Variants in HEATR5A observed in about 807,000 individuals in gnomAD.
HEATR5A encodes the protein HEAT repeat-containing protein 5A.
HEATR5A carries 178 observed loss-of-function variants against 218.8 expected under a neutral mutation model. The ratio of observed to expected loss-of-function variants is 0.81; its 90% confidence interval spans 0.72 to 0.92. The LOEUF is 0.92. Ranked by LOEUF, HEATR5A falls within the 40% of genes least tolerant of loss-of-function variation. The probability of loss-of-function intolerance (pLI) is 0.00; values close to 1 mark genes in which losing one functional copy is unlikely to be tolerated. For missense variants in HEATR5A, 2,420 were observed against 2,418.9 expected, an observed-to-expected ratio of 1.00 and a Z score of -0.01; for synonymous variants, 864 against 871.6, an observed-to-expected ratio of 0.99 and a Z score of 0.15.
intron 1 of HEATR5A, among the ~76,000 whole-genome samples, chr14:31,412,261 T>C (rs1048604087): frequency 1.3e-5 from 2 of 152,056 alleles, no homozygotes; most frequent in Non-Finnish European, 2.9e-5. Flanking sequence ...GTATTTTGGA[T>C]CAAATTATCT....
At chr14:31,374,611 G>C (rs748868836) in intron 12 of HEATR5A, among the ~76,000 whole-genome samples, 10 of 152,040 alleles carry the variant, frequency 6.6e-5, no homozygotes, top group Non-Finnish European at 1.0e-4. Flanking sequence ...TGTATCTTAA[G>C]AACTCTCAAA....
At chr14:31,399,811 A>C (rs1314971429) in intron 3 of HEATR5A, among the ~76,000 whole-genome samples, 1 of 152,190 alleles carries the variant, frequency 6.6e-6, no homozygotes, top group Non-Finnish European at 1.5e-5. Flanking sequence ...GCCTGGGTGG[A>C]CAGAGATTCT....
At chr14:31,400,846 T>G (rs1279168915) in intron 2 of HEATR5A, among the ~76,000 whole-genome samples, 2 of 636 alleles carry the variant, frequency 3.1e-3, no homozygotes, top group East Asian at 0.5. Context: ...TTATTATTGT[T>G]TTTTTTTTTT....
At chr14:31,397,149 G>T (rs2030685581) in intron 4 of HEATR5A, among the ~76,000 whole-genome samples, 1 of 152,112 alleles carries the variant, frequency 6.6e-6, no homozygotes, top group Non-Finnish European at 1.5e-5. Flanking sequence ...TAAAGTTCTT[G>T]AATCAGCTAC....
intron 7 of HEATR5A, among the ~76,000 whole-genome samples, chr14:31,387,891 T>C (rs1296914561): frequency 6.6e-6 from 1 of 152,184 alleles, no homozygotes; most frequent in Non-Finnish European, 1.5e-5. Flanking sequence ...CAAGACTTCA[T>C]TTCTGTTACC....
intron 12 of HEATR5A, among the ~76,000 whole-genome samples, chr14:31,374,031 T>C (rs1902134784): frequency 6.6e-6 from 1 of 151,940 alleles, no homozygotes; most frequent in Non-Finnish European, 1.5e-5. Flanking sequence ...TGGGGCTGGG[T>C]GTGGTGACTC....
chr14:31,411,222 A>C (rs957135710), intron 1 of HEATR5A, among the ~76,000 whole-genome samples: 1 of 152,186 alleles, frequency 6.6e-6, no homozygotes. Flanking sequence ...TTGAAAATTC[A>C]TAAGAAAAAG....
intron 22 of HEATR5A, among the ~76,000 whole-genome samples, chr14:31,336,153 A>T (rs1472561915): frequency 6.9e-6 from 1 of 144,672 alleles, no homozygotes. Flanking sequence ...TAATTTTAAA[A>T]TTTTTTGTAG....
At position 31,337,609 on chromosome 14, in the gene HEATR5A, A is replaced by C; in HGVS notation, c.3234T>G (p.Asn1078Lys). 6.2e-7 allele frequency: 1 copy of C among 1,600,328 alleles called. No individual in the cohort carries two copies. Among genetic ancestry groups the C allele is most frequent in the Non-Finnish European group, 8.5e-7 (1 of 1,173,092 alleles). The change falls in exon 22 of 36, where the codon AAT becomes AAG. Residue 1078 changes from asparagine (N) to lysine (K), a missense_variant. Asn to Lys is a moderately conservative substitution (Grantham distance 94). Transcript: ENST00000543095. ...TCAGTAACAAGTAGGGGCTACAAAGATTCACCTGAAAAATACCATTTGAGG... is the reference window on the plus strand; with the variant it reads ...TCAGTAACAAGTAGGGGCTACAAAGCTTCACCTGAAAAATACCATTTGAGG... ...LSSLVSCLCV[N>K]LCSPYLLLRR...
rs1421112764 is a variant in HEATR5A, at chr14:31,337,586, A to G, written c.3257T>C (p.Leu1086Pro). The G allele has an allele frequency of 3.1e-6, 5 of 1,601,086 alleles. No homozygotes were observed. The highest frequency in any genetic ancestry group is 4.3e-6 in the Non-Finnish European group (5 of 1,173,674). ...CVNLCSPYLL[L>P]RRAVLACLRQ... ...TAAGCAAGCCAGTACTGCTCTTCTC[A>G]GTAACAAGTAGGGGCTACAAAGATT... is the stretch of plus-strand genomic sequence containing the variant. Residue 1086 changes from leucine (L) to proline (P), a missense_variant, in exon 22 of 36, where the codon CTG (leucine) becomes CCG (proline). Leu to Pro is a moderately conservative substitution (Grantham distance 98). Coordinates refer to ENST00000543095, the MANE Select transcript of HEATR5A (RefSeq NM_015473.4).
chr14:31,336,201 TATATATACATACATACA>T (rs1900647858), intron 22 of HEATR5A, among the ~76,000 whole-genome samples: 1 of 11,672 alleles, frequency 8.6e-5, no homozygotes, highest in Non-Finnish European at 3.4e-4. Context: ...GGGTTATTTT[TATATATACATACATACA>T]TATATATATA....
chr14:31,300,288 T>C (rs1166192209), intron 33 of HEATR5A, among the ~76,000 whole-genome samples: 1 of 151,658 alleles, frequency 6.6e-6, no homozygotes, highest in East Asian at 1.9e-4. Context: ...TTTCTTTTTC[T>C]TTTTTTCTTT....
At chr14:31,368,859 C>T (rs1459416882) in intron 13 of HEATR5A, among the ~76,000 whole-genome samples, 1 of 151,432 alleles carries the variant, frequency 6.6e-6, no homozygotes, top group East Asian at 1.9e-4. Flanking sequence ...ACTGCCCCAG[C>T]CAGGAAGAAT....
chr14:31,403,248 G>C (rs1187910686), intron 1 of HEATR5A, among the ~76,000 whole-genome samples, 199 bp from the exon 2 acceptor site: 1 of 151,994 alleles, frequency 6.6e-6, no homozygotes, highest in South Asian at 2.1e-4. Context: ...AAGCAGACAG[G>C]CAAAAATAGA....
intron 16 of HEATR5A, among the ~76,000 whole-genome samples, chr14:31,353,962 C>T (rs1337104473): frequency 6.6e-6 from 1 of 151,938 alleles, no homozygotes; most frequent in Non-Finnish European, 1.5e-5. Context: ...CTACACCTGG[C>T]TAATTTTTTT....
chr14:31,372,740 T>A (rs976676132), intron 12 of HEATR5A, among the ~76,000 whole-genome samples: 8 of 152,162 alleles, frequency 5.3e-5, no homozygotes, highest in African/African-American at 1.9e-4. Flanking sequence ...GACAGGAGAA[T>A]CACTTGAACC....
intron 1 of HEATR5A, among the ~76,000 whole-genome samples, chr14:31,418,973 TAG>T (rs1232516536): frequency 9.2e-5 from 14 of 152,168 alleles, no homozygotes. Flanking sequence ...TAGTTTAATG[TAG>T]TTAATTTTAA....
chr14:31,342,560 T>G (rs1900874153), intron 21 of HEATR5A, among the ~76,000 whole-genome samples: 1 of 152,218 alleles, frequency 6.6e-6, no homozygotes, highest in South Asian at 2.1e-4. Context: ...CCTCATGTTT[T>G]GCAGACAAGG....
chr14:31,319,607 A>G (rs1249522300), intron 25 of HEATR5A, among the ~76,000 whole-genome samples: 2 of 152,236 alleles, frequency 1.3e-5, no homozygotes, highest in African/African-American at 4.8e-5. Context: ...TTGCTTCTGA[A>G]TAATAATGAG....
Sources: allele counts gnomAD v4.1 joint callset (sites outside exome capture counted in the v4.1 genomes callset), GRCh38; gene constraint gnomAD v4.1.1; transcripts MANE v1.5; gene names NCBI Gene and HGNC (gene_info 2026-07-23, HGNC 2026-07-21).